AXIN2: variants seen among roughly 807,000 people sequenced by gnomAD.
AXIN2 encodes axin-2.
In AXIN2, 21 loss-of-function variants were observed where a neutral mutation model predicts 74.7. The ratio of observed to expected loss-of-function variants is 0.28; its 90% CI spans 0.20 to 0.40. The LOEUF is 0.40. Ranked by LOEUF, AXIN2 falls within the 10% of genes least tolerant of loss-of-function variation. The pLI is 1.00. For missense variants in AXIN2, 1,144 were observed against 1,111.1 expected, an observed-to-expected ratio of 1.03 and a Z score of -0.42; for synonymous variants, 532 against 454.9, an observed-to-expected ratio of 1.17 and a Z score of -2.16.
At chr17:65,549,394 A>G in intron 3 of AXIN2, 126 bp downstream of exon 3, 1 of 1,191,500 alleles carries the variant, frequency 8.4e-7, no homozygotes. Context: ...CTCCCACCAA[A>G]CTGATGTCCA....
At position 65,531,022 on chromosome 17, in the gene AXIN2, C is replaced by T. The variant is rs2043806694; in HGVS notation, c.2406-920G>A. 3.3e-5 allele frequency among the ~76,000 whole-genome samples: 5 copies of T among 152,272 alleles called. No individual in the cohort carries two copies. In the South Asian group the frequency reaches 1.0e-3, roughly 32 times the overall value. ...AAGCAAGGGCCTCTTCCTTCCCTGT[C>T]CCCAGCCAAGGGAGACCCCTCAGAG... On this transcript the variant is annotated intron_variant, in intron 10 of 10. Coordinates refer to ENST00000307078, the MANE Select transcript of AXIN2 (RefSeq NM_004655.4).
intron 10 of AXIN2, among the ~76,000 whole-genome samples, chr17:65,533,440 T>TA (rs755673699): frequency 2.0e-4 from 31 of 152,218 alleles, no homozygotes; most frequent in Non-Finnish European, 1.0e-4. Context: ...TTCCTGACTA[T>TA]TTGGAGCCTT....
At chr17:65,534,622 G>T (rs2043877264) in intron 9 of AXIN2, among the ~76,000 whole-genome samples, 1 of 152,074 alleles carries the variant, frequency 6.6e-6, no homozygotes, top group African/African-American at 2.4e-5. Context: ...AGATTTTGTA[G>T]AATGGCTTGA....
rs115512338 is a variant in AXIN2, at chr17:65,546,379, G to A, written c.956+3141C>T. On this transcript the variant is annotated intron_variant, in intron 3 of 10. Coordinates refer to ENST00000307078, the MANE Select transcript of AXIN2 (RefSeq NM_004655.4). ...GTTCTGAAGAGGAGGTCTGATCCCA[G>A]CCCTGGGAATCCCGGGTGACCGCCC... 4.0e-3 allele frequency among the ~76,000 whole-genome samples: 608 copies of A among 152,272 alleles called. 3 individuals carry two copies. Among genetic ancestry groups the A allele is most frequent in the African/African-American group, 0.014 (579 of 41,568 alleles).
rs753432149 is a variant in AXIN2, at chr17:65,530,154, T to C, written c.2406-52A>G. The C allele has an allele frequency of 1.6e-5, 25 of 1,610,384 alleles. No individual in the cohort carries two copies. The East Asian group carries it at 5.4e-4, about 34-fold the overall frequency. On this transcript the variant is annotated intron_variant, in intron 10 of 10. Coordinates refer to ENST00000307078, the MANE Select transcript of AXIN2 (RefSeq NM_004655.4). The stretch of plus-strand genomic sequence containing the variant: ...TTGGTAAACTGCATTTTCCACATTG[T>C]TGAAAAGAAAAGCATACCAACATGG...
chr17:65,538,060 G>A, intron 5 of AXIN2, 143 bp downstream of exon 5: 2 of 1,468,122 alleles, frequency 1.4e-6, no homozygotes, highest in Non-Finnish European at 1.9e-6. Flanking sequence ...CCACGCCCAG[G>A]CACACACCCA....
At chr17:65,539,524 AT>A (rs1291117402) in intron 4 of AXIN2, among the ~76,000 whole-genome samples, 4 of 152,126 alleles carry the variant, frequency 2.6e-5, no homozygotes, top group Admixed American at 6.5e-5. Flanking sequence ...TAACTCACAT[AT>A]CCCCCAGTCA....
intron 3 of AXIN2, among the ~76,000 whole-genome samples, chr17:65,547,095 G>A (rs2044129176): frequency 6.6e-6 from 1 of 152,200 alleles, no homozygotes; most frequent in South Asian, 2.1e-4. Flanking sequence ...AGGGGGAAGG[G>A]TGAAAGCTTT....
chr17:65,537,737 T>G lies in AXIN2; in HGVS notation c.1299A>C (p.Glu433Asp), dbSNP rs1367280984. ...GATCGTCCAGTATCGTCTGCGGGTC[T>G]TCCTCGTAGCTGCCGGAGGGCAGTA... ...LSLLPSGSYE[E>D]DPQTILDDHL... Residue 433 changes from glutamate to aspartate, a missense_variant, in exon 6 of 11, where the codon GAA (glutamate) becomes GAC (aspartate). Glu to Asp is a conservative substitution (Grantham distance 45, BLOSUM62 2). Around this residue, in one of 4 missense-constraint regions of AXIN2, gnomAD observed 1,053 missense variants for 973.5 expected, o/e 1.08. Transcript: ENST00000307078. 1 of 1,566,772 alleles carries G rather than the reference T, an allele frequency of 6.4e-7. No homozygotes were observed. Among genetic ancestry groups the G allele is most frequent in the Non-Finnish European group, 8.7e-7 (1 of 1,155,624 alleles).
chr17:65,538,373 G>A (rs1309173021), intron 4 of AXIN2, 30 bp from the exon 5 acceptor site: 2 of 1,613,252 alleles, frequency 1.2e-6, no homozygotes, highest in African/African-American at 2.7e-5. Context: ...AAGGGAGGAG[G>A]CACGTTCAGC....
rs890002810 is a variant in AXIN2, at chr17:65,529,131, G to A, written c.*845C>T. ...ACTGTCATTTCCACGAAAGCACAGC[G>A]GCAGTGATTCTAGCAGGCCTCAGGG... On this transcript the variant is annotated 3_prime_UTR_variant, in exon 11 of 11. Coordinates refer to ENST00000307078, the MANE Select transcript of AXIN2 (RefSeq NM_004655.4). 1.1e-4 allele frequency: 26 copies of A among 234,812 alleles called. No homozygotes were observed. Among genetic ancestry groups the A allele is most frequent in the African/African-American group, 5.3e-4 (24 of 45,314 alleles). The allele number at this position is 234,812 out of a possible 1,614,324, so 14.5% of individuals were successfully genotyped here.
rs2144449473 is a variant in AXIN2, at chr17:65,536,940, T to C, written c.1836A>G (p.Glu612=). Residue 612 remains glutamate, a synonymous_variant, in exon 7 of 11, where the codon GAA becomes GAG. Transcript: ENST00000307078. ...GAGALQLPRE[E]GDRSQDVWQW... is the part of the protein sequence containing the mutation. ...GCCAGACATCCTGCGACCTGTCTCCTTCCTCCCGGGGAAGCTGCAGGGCCC... is the reference window on the plus strand; with the variant it reads ...GCCAGACATCCTGCGACCTGTCTCCCTCCTCCCGGGGAAGCTGCAGGGCCC... 1 of 1,613,538 alleles carries C rather than the reference T, an allele frequency of 6.2e-7. No individual in the cohort carries two copies. The highest frequency in any genetic ancestry group is 8.5e-7 in the Non-Finnish European group (1 of 1,179,932).
intron 1 of AXIN2, chr17:65,560,913 C>G (rs1427889753): frequency 6.7e-6 from 1 of 148,294 alleles, no homozygotes; most frequent in Admixed American, 6.7e-5. Context: ...CTCGCGGCGG[C>G]AGCCCCGGGC....
At chr17:65,559,641 C>T (rs1330762928) in intron 1 of AXIN2, 1 of 152,282 alleles carries the variant, frequency 6.6e-6, no homozygotes, top group Non-Finnish European at 1.5e-5. Flanking sequence ...AGCCGTCTCA[C>T]GCCACTACTG....
intron 4 of AXIN2, among the ~76,000 whole-genome samples, chr17:65,540,024 A>G (rs897256834): frequency 1.1e-4 from 16 of 152,228 alleles, no homozygotes; most frequent in Non-Finnish European, 2.2e-4. Context: ...CCTCACTTCT[A>G]AACACTTCGT....
In AXIN2 at chr17:65,549,702, C is replaced by T. The variant is rs191943038; in HGVS notation, c.816-42G>A. On this transcript the variant is annotated intron_variant, in intron 2 of 10. Transcript: ENST00000307078. ...AAAGTGGTTCAGTCACTGACCCTCA[C>T]CAGAAACCCAGGTAATCAGGTGACC... is the stretch of plus-strand genomic sequence containing the variant. 34 of 1,568,478 alleles carry T rather than the reference C, an allele frequency of 2.2e-5. No homozygotes were observed. In the African/African-American group the frequency reaches 4.2e-4, roughly 19 times the overall value.
At chr17:65,555,432 TG>T (rs1164163394) in intron 2 of AXIN2, among the ~76,000 whole-genome samples, 7 of 152,002 alleles carry the variant, frequency 4.6e-5, no homozygotes, top group Admixed American at 1.3e-4. Context: ...AGTTGAGGCA[TG>T]GGGGTCAGGG....
intron 10 of AXIN2, 127 bp from the exon 11 acceptor site, chr17:65,530,229 G>C (rs1486285115): frequency 5.5e-6 from 7 of 1,269,364 alleles, no homozygotes; most frequent in Non-Finnish European, 7.8e-6. Flanking sequence ...CCTGTACACT[G>C]TTGCGCACAT....
rs1193071884 is a variant in AXIN2 at position 65,530,086 on chromosome 17, C to CTTT, written c.2419_2421dup (p.Lys807dup). 1.2e-6 allele frequency: 2 copies of CTTT among 1,614,054 alleles called. No homozygotes were observed. Among genetic ancestry groups the CTTT allele is most frequent in the East Asian group, 4.5e-5 (2 of 44,898 alleles). On this transcript the variant is annotated inframe_insertion, in exon 11 of 11. Coordinates refer to ENST00000307078, the MANE Select transcript of AXIN2 (RefSeq NM_004655.4). ...GCTCCACAGGCAAACTCATCGCTTG[C>CTTT]TTTTTTGAAGTAATACCTTAAAAGG...
Sources: gnomAD v4.1 joint callset for allele counts (sites outside exome capture counted in the v4.1 genomes callset) on GRCh38, gnomAD v4.1.1 for gene constraint, gnomAD v4.1.1 regional missense constraint, MANE v1.5 for transcripts, NCBI Gene and HGNC (gene_info 2026-07-23, HGNC 2026-07-21) for gene names.